The following CDK13 variants were observed in gnomAD, a reference collection of about 807,000 sequenced individuals.
The protein encoded by CDK13 is cyclin dependent kinase 13.
Under a neutral mutation model 137.6 loss-of-function variants are expected in CDK13, and 40 were observed. That is an observed-to-expected ratio of 0.29 (90% CI 0.23 to 0.38). CDK13 has a LOEUF of 0.38. Ranked by LOEUF, CDK13 falls within the 10% of genes least tolerant of loss-of-function variation. The probability of loss-of-function intolerance (pLI) is 1.00; values close to 1 mark genes in which losing one functional copy is unlikely to be tolerated. For synonymous variants in CDK13, 869 were observed against 760.1 expected, an observed-to-expected ratio of 1.14 and a Z score of -2.36; for missense variants, 1,704 against 1,951.8, an observed-to-expected ratio of 0.87 and a Z score of 2.39.
chr7:40,094,046 A>G, intron 13 of CDK13, 84 bp from the exon 14 acceptor site: 1 of 1,464,762 alleles, frequency 6.8e-7, no homozygotes, highest in Non-Finnish European at 9.2e-7. Flanking sequence ...CATCTTTAGA[A>G]CTACCTACAG....
At chr7:39,968,896 CA>C (rs1312870826) in intron 1 of CDK13, among the ~76,000 whole-genome samples, 1 of 152,224 alleles carries the variant, frequency 6.6e-6, no homozygotes, top group Non-Finnish European at 1.5e-5. Context: ...ATATCCTGAT[CA>C]CAATACAAAC....
chr7:40,074,835 AC>A (rs201023026), intron 9 of CDK13, among the ~76,000 whole-genome samples: 112 of 151,526 alleles, frequency 7.4e-4, no homozygotes, highest in African/African-American at 2.6e-3. Flanking sequence ...AAAAAAAAAA[AC>A]AAAATATTTA....
At chr7:40,034,128 G>A (rs937781983) in intron 5 of CDK13, among the ~76,000 whole-genome samples, 1 of 152,176 alleles carries the variant, frequency 6.6e-6, no homozygotes, top group African/African-American at 2.4e-5. Flanking sequence ...CTGACAAAAT[G>A]TGGAGGCCTC....
At chr7:40,082,303 A>G (rs796185364) in intron 11 of CDK13, among the ~76,000 whole-genome samples, 13 of 152,004 alleles carry the variant, frequency 8.6e-5, no homozygotes, top group African/African-American at 3.1e-4. Flanking sequence ...CCTGGCCAGG[A>G]TGGTGAAATC....
At chr7:40,026,452 T>G (rs1422012186) in intron 5 of CDK13, among the ~76,000 whole-genome samples, 2 of 149,802 alleles carry the variant, frequency 1.3e-5, no homozygotes, top group South Asian at 2.1e-4. Context: ...GGTCAAGGCT[T>G]TAGTGAGCTG....
chr7:39,961,903 T>C (rs199949239), intron 1 of CDK13, among the ~76,000 whole-genome samples: 2 of 152,210 alleles, frequency 1.3e-5, no homozygotes, highest in East Asian at 1.9e-4. Flanking sequence ...TTTTTGTCCT[T>C]GCAATAGTTT....
At chr7:40,002,237 A>G (rs540795361) in intron 5 of CDK13, 8 of 387,260 alleles carry the variant, frequency 2.1e-5, no homozygotes, top group South Asian at 1.3e-4. Context: ...GTATTTGCCA[A>G]TATTACACAT....
At chr7:40,007,506 G>A (rs944185662) in intron 5 of CDK13, among the ~76,000 whole-genome samples, 1 of 152,042 alleles carries the variant, frequency 6.6e-6, no homozygotes, top group African/African-American at 2.4e-5. Context: ...GGCTCACTGC[G>A]ACCTCTGCCT....
intron 1 of CDK13, among the ~76,000 whole-genome samples, chr7:39,963,081 G>A (rs1174676166): frequency 6.6e-6 from 1 of 152,118 alleles, no homozygotes; most frequent in African/African-American, 2.4e-5. Flanking sequence ...TTGTCCTTTT[G>A]GCTTAGGATT....
At chr7:40,012,330 T>C (rs371032537) in intron 5 of CDK13, among the ~76,000 whole-genome samples, 102 of 152,290 alleles carry the variant, frequency 6.7e-4, no homozygotes, top group Middle Eastern at 3.4e-3. Context: ...GTGTGGTGGC[T>C]CATAGCTATA....
At chr7:40,087,538 A>G (rs1786815480) in intron 11 of CDK13, among the ~76,000 whole-genome samples, 1 of 147,318 alleles carries the variant, frequency 6.8e-6, no homozygotes, top group South Asian at 2.1e-4. Context: ...ACCAACAGCA[A>G]TAGTGGTGTT....
At chr7:40,003,206 A>ACACTCTCTCTCTCTCTCT (rs374470130) in intron 5 of CDK13, among the ~76,000 whole-genome samples, 7 of 79,900 alleles carry the variant, frequency 8.8e-5, no homozygotes, top group African/African-American at 3.3e-4. Flanking sequence ...ACACACACAC[A>ACACTCTCTCTCTCTCTCT]CTCTCTCTCT....
chr7:40,021,216 A>T (rs1216203570), intron 5 of CDK13, among the ~76,000 whole-genome samples: 1 of 146,888 alleles, frequency 6.8e-6, no homozygotes, highest in Non-Finnish European at 1.5e-5. Flanking sequence ...AGTAATTTTG[A>T]CTGGGCGCGG....
At chr7:40,003,206 A>ACACACACACACTCTCT (rs374470130) in intron 5 of CDK13, among the ~76,000 whole-genome samples, 1 of 79,864 alleles carries the variant, frequency 1.3e-5, no homozygotes, top group African/African-American at 4.8e-5. Flanking sequence ...ACACACACAC[A>ACACACACACACTCTCT]CTCTCTCTCT....
intron 5 of CDK13, among the ~76,000 whole-genome samples, chr7:40,044,361 C>T (rs1178422169): frequency 6.6e-6 from 1 of 151,636 alleles, no homozygotes; most frequent in Non-Finnish European, 1.5e-5. Flanking sequence ...CTCTGTTGCC[C>T]AGGCTGGAGT....
At chr7:40,048,865 A>T (rs1460589458) in intron 7 of CDK13, 1 of 151,202 alleles carries the variant, frequency 6.6e-6, no homozygotes. Context: ...TTTATAAGTG[A>T]TATGTTTTGG....
chr7:40,047,382 C>T (rs2150516689), intron 6 of CDK13, among the ~76,000 whole-genome samples: 1 of 152,210 alleles, frequency 6.6e-6, no homozygotes, highest in East Asian at 1.9e-4. Context: ...GTTCTATGCA[C>T]CTAGCCCCTC....
intron 5 of CDK13, among the ~76,000 whole-genome samples, chr7:40,004,665 G>C (rs1784760378): frequency 6.6e-6 from 1 of 152,174 alleles, no homozygotes; most frequent in Non-Finnish European, 1.5e-5. Context: ...TGTCTAGTTA[G>C]AGCATAAAGA....
chr7:40,023,949 A>G (rs1785184174), intron 5 of CDK13, among the ~76,000 whole-genome samples: 1 of 152,152 alleles, frequency 6.6e-6, no homozygotes, highest in Admixed American at 6.5e-5. Context: ...CAAAGCAAAG[A>G]TTCTTGTTCA....
Sources: allele counts gnomAD v4.1 joint callset (sites outside exome capture counted in the v4.1 genomes callset), GRCh38; gene constraint gnomAD v4.1.1; transcripts MANE v1.5; gene names NCBI Gene and HGNC (gene_info 2026-07-23, HGNC 2026-07-21).